Variants in DPH6 observed in about 807,000 individuals in gnomAD.
The protein encoded by DPH6 is diphthine--ammonia ligase.
A neutral mutation model predicts 38.2 loss-of-function variants in DPH6; 33 were observed. The ratio of observed to expected loss-of-function variants is 0.86; its 90% confidence interval spans 0.65 to 1.15. The LOEUF (loss-of-function observed/expected upper bound fraction) is 1.15, where lower values mean the gene tolerates loss of function less well. DPH6 is among the 50% of genes most tolerant of loss of function. DPH6 has a pLI of 0.00. For missense variants in DPH6, 325 were observed against 320.0 expected (o/e 1.02, Z -0.12); for synonymous variants, 108 against 103.0 (o/e 1.05, Z -0.30).
intron 3 of DPH6, among the ~76,000 whole-genome samples, chr15:35,349,578 C>T (rs866539945): frequency 3.3e-5 from 5 of 152,114 alleles, no homozygotes; most frequent in South Asian, 4.1e-4. Context: ...CTATTACTGG[C>T]GTGTGCCACC....
At chr15:35,526,435 G>C (rs867346591) in intron 3 of DPH6, among the ~76,000 whole-genome samples, 2 of 152,076 alleles carry the variant, frequency 1.3e-5, no homozygotes, top group Middle Eastern at 3.2e-3. Flanking sequence ...CTTAATTTTG[G>C]TAAGTTTAAC....
chr15:35,381,917 C>A lies in DPH6; in HGVS notation c.568-1G>T. On this transcript the variant is annotated splice_acceptor_variant, in intron 6 of 8. Transcript: ENST00000256538. LOFTEE classifies it high-confidence loss of function. The stretch of plus-strand genomic sequence containing the variant: ...CATGTACTCCATACTTCTTAGAAAG[C>A]TGAAAATAGGAAAACACAAAAAACA... 6.2e-7 allele frequency: 1 copy of A among 1,607,150 alleles called. No individual in the cohort carries two copies. Among genetic ancestry groups the A allele is most frequent in the Non-Finnish European group, 8.5e-7 (1 of 1,176,766 alleles).
At chr15:35,542,038 G>A (rs1366267353) in intron 2 of DPH6, among the ~76,000 whole-genome samples, 1 of 152,034 alleles carries the variant, frequency 6.6e-6, no homozygotes, top group Non-Finnish European at 1.5e-5. Context: ...TGAGGCCTGA[G>A]ACTGTATCTT....
At chr15:35,497,558 A>G (rs138454689) in intron 3 of DPH6, among the ~76,000 whole-genome samples, 1 of 152,326 alleles carries the variant, frequency 6.6e-6, no homozygotes, top group African/African-American at 2.4e-5. Flanking sequence ...CAAGAGTTCT[A>G]TAACATGGTT....
intron 3 of DPH6, among the ~76,000 whole-genome samples, chr15:35,511,355 ATC>A (rs1359537470): frequency 6.6e-6 from 1 of 152,182 alleles, no homozygotes; most frequent in Admixed American, 6.6e-5. Flanking sequence ...TTGGATCTAG[ATC>A]TCTGTCTGCA....
At chr15:35,332,613 G>A (rs2140863521) in intron 3 of DPH6, among the ~76,000 whole-genome samples, 2 of 152,170 alleles carry the variant, frequency 1.3e-5, no homozygotes, top group East Asian at 3.9e-4. Context: ...TTCCCACTCT[G>A]CAACTTACCA....
intron 3 of DPH6, among the ~76,000 whole-genome samples, chr15:35,240,743 C>T (rs1474867417): frequency 5.6e-5 from 8 of 143,426 alleles, no homozygotes; most frequent in Non-Finnish European, 9.2e-5. Flanking sequence ...AGCCCTGAGA[C>T]GCTTTACAGC....
chr15:35,179,293 C>A, the DPH6 span, among the ~76,000 whole-genome samples: 1 of 147,924 alleles, frequency 6.8e-6, no homozygotes. Context: ...AATGCTTATT[C>A]AATTCATCCC....
chr15:35,527,229 G>A (rs1209539553), intron 3 of DPH6, among the ~76,000 whole-genome samples: 1 of 152,064 alleles, frequency 6.6e-6, no homozygotes, highest in Non-Finnish European at 1.5e-5. Context: ...GGAAGCTAGA[G>A]AATGAAGGAG....
chr15:35,432,483 G>T (rs896173125), intron 5 of DPH6, among the ~76,000 whole-genome samples: 1 of 152,096 alleles, frequency 6.6e-6, no homozygotes, highest in African/African-American at 2.4e-5. Context: ...TATGGCAGTT[G>T]GGATGACAGA....
chr15:35,327,562 G>A (rs560555571), downstream of DPH6, among the ~76,000 whole-genome samples: 20 of 152,174 alleles, frequency 1.3e-4, no homozygotes, highest in East Asian at 3.1e-3. Context: ...AGCCAGGATG[G>A]TCTCTATCTG....
chr15:35,410,377 G>A (rs2053349433), intron 6 of DPH6, among the ~76,000 whole-genome samples: 1 of 151,744 alleles, frequency 6.6e-6, no homozygotes, highest in South Asian at 2.1e-4. Flanking sequence ...ACAATGAGAA[G>A]TTAAGTAGAG....
chr15:35,188,711 T>C, the DPH6 span, among the ~76,000 whole-genome samples: 6 of 152,116 alleles, frequency 3.9e-5, no homozygotes, highest in Non-Finnish European at 8.8e-5. Flanking sequence ...TAAAATACTT[T>C]GGTGACACAT....
At chr15:35,545,403 C>A (rs1160192200) in intron 1 of DPH6, among the ~76,000 whole-genome samples, 1 of 152,152 alleles carries the variant, frequency 6.6e-6, no homozygotes, top group Admixed American at 6.5e-5. Flanking sequence ...TTTTGGAATA[C>A]GGAGTATAGG....
chr15:35,362,109 G>C (rs1469964227), intron 3 of DPH6, among the ~76,000 whole-genome samples: 1 of 152,144 alleles, frequency 6.6e-6, no homozygotes, highest in African/African-American at 2.4e-5. Context: ...AGTCAACCCA[G>C]TTAGAAATTT....
intron 5 of DPH6, among the ~76,000 whole-genome samples, chr15:35,448,984 A>ATTTTTT (rs372406775): frequency 3.7e-5 from 5 of 136,580 alleles, no homozygotes; most frequent in Non-Finnish European, 7.8e-5. Context: ...TTATTGTCTC[A>ATTTTTT]TTTTTTTTTT....
At chr15:35,155,534 C>A in the DPH6 span, among the ~76,000 whole-genome samples, 1 of 152,200 alleles carries the variant, frequency 6.6e-6, no homozygotes, top group East Asian at 1.9e-4. Flanking sequence ...TCAGACTGCC[C>A]TGGTCCATGA....
intron 3 of DPH6, among the ~76,000 whole-genome samples, chr15:35,483,558 G>A (rs1032816882): frequency 5.9e-5 from 9 of 151,688 alleles, no homozygotes; most frequent in Admixed American, 2.6e-4. Context: ...AGACAATAAC[G>A]AATAGTGAAG....
chr15:35,516,212 A>C (rs1183243614), intron 3 of DPH6, among the ~76,000 whole-genome samples: 1 of 152,184 alleles, frequency 6.6e-6, no homozygotes, highest in African/African-American at 2.4e-5. Flanking sequence ...AAAGAGACAG[A>C]AGAGCACAGC....
Sources: gnomAD v4.1 joint callset for allele counts (sites outside exome capture counted in the v4.1 genomes callset) on GRCh38, gnomAD v4.1.1 for gene constraint, MANE v1.5 for transcripts, NCBI Gene and HGNC (gene_info 2026-07-23, HGNC 2026-07-21) for gene names.